ZNF217: variants seen among roughly 807,000 people sequenced by gnomAD.
The protein encoded by ZNF217 is zinc finger protein 217.
In ZNF217, 12 loss-of-function variants were observed where a neutral mutation model predicts 73.3. The ratio of observed to expected loss-of-function variants is 0.16; its 90% confidence interval spans 0.10 to 0.27. The LOEUF (loss-of-function observed/expected upper bound fraction) is 0.27. Ranked by LOEUF, ZNF217 falls within the 10% of genes least tolerant of loss-of-function variation. The probability of loss-of-function intolerance (pLI) is 1.00; values close to 1 mark genes in which losing one functional copy is unlikely to be tolerated. For missense variants in ZNF217, 1,195 were observed against 1,327.8 expected, an observed-to-expected ratio of 0.90 and a Z score of 1.55; for synonymous variants, 588 against 516.4, an observed-to-expected ratio of 1.14 and a Z score of -1.88.
At chr20:53,572,834 G>A (rs995278835) in intron 4 of ZNF217, 2 of 152,200 alleles carry the variant, frequency 1.3e-5, no homozygotes, top group African/African-American at 4.8e-5. Context: ...CTGGGACACT[G>A]AGCTACTTTT....
chr20:53,581,372 C>T lies in ZNF217; in HGVS notation c.1366+89G>A, dbSNP rs1390100905. 2.0e-6 allele frequency: 3 copies of T among 1,495,590 alleles called. No individual in the cohort carries two copies. Among genetic ancestry groups the T allele is most frequent in the African/African-American group, 2.8e-5 (2 of 71,582 alleles). 92.6% of individuals were successfully genotyped at this position (1,495,590 alleles called of 1,614,324 possible). ...CTCTCCAAACCCCATTCCTGGCCAG[C>T]GTTGTCTGGAGATGGGAATAGAGAG... On this transcript the variant is annotated intron_variant, in intron 2 of 5. Transcript: ENST00000371471. This position sits in a 1 kb window ranked among gnomAD's most constrained non-coding sequence, Gnocchi z 4.9.
chr20:53,582,187 G>A lies in ZNF217; in HGVS notation c.640C>T (p.Pro214Ser). 1 of 1,614,070 alleles carries A rather than the reference G, an allele frequency of 6.2e-7. No homozygotes were observed. Among genetic ancestry groups the A allele is most frequent in the Non-Finnish European group, 8.5e-7 (1 of 1,180,048 alleles). Residue 214 changes from proline to serine, a missense_variant, in exon 2 of 6, where the codon CCT (proline) becomes TCT (serine). Transcript: ENST00000371471. The surrounding 1 kb of genome is among the most constrained non-coding windows in gnomAD (Gnocchi z 4.8). ...QVHAAESISS[P>S]YKICMVCGFL... ...CCACAAACCATGCAGATTTTGTAAG[G>A]AGAGGAGATGCTCTCGGCCGCGTGC...
chr20:53,578,531 C>T, intron 2 of ZNF217, 81 bp from the exon 3 acceptor site: 2 of 865,558 alleles, frequency 2.3e-6, no homozygotes, highest in Non-Finnish European at 1.7e-6. Context: ...ATATTCTTGA[C>T]ATAAACATTT....
intron 3 of ZNF217, among the ~76,000 whole-genome samples, chr20:53,578,121 AAAAG>A (rs763828027): frequency 2.0e-5 from 3 of 152,194 alleles, no homozygotes; most frequent in Non-Finnish European, 4.4e-5. Flanking sequence ...CAAAAAACAA[AAAAG>A]AAAGAAAAGA....
intron 1 of ZNF217, among the ~76,000 whole-genome samples, chr20:53,591,864 C>T (rs1418673443): frequency 6.6e-6 from 1 of 152,112 alleles, no homozygotes; most frequent in Non-Finnish European, 1.5e-5. Flanking sequence ...TGTTTGATAT[C>T]AATCAAGAAA....
intron 1 of ZNF217, among the ~76,000 whole-genome samples, chr20:53,584,379 C>T (rs1988615402): frequency 6.6e-6 from 1 of 152,248 alleles, no homozygotes. Context: ...AAGGAAACAT[C>T]TCCTCCTTTA....
chr20:53,591,023 C>T (rs914432095), intron 1 of ZNF217, among the ~76,000 whole-genome samples: 3 of 152,112 alleles, frequency 2.0e-5, no homozygotes, highest in Non-Finnish European at 4.4e-5. Context: ...AAAGTCAAAA[C>T]CTTCACTGCT....
chr20:53,582,196 T>G lies in ZNF217; in HGVS notation c.631A>C (p.Ile211Leu). Residue 211 changes from isoleucine to leucine, a missense_variant, in exon 2 of 6, where the codon ATC (isoleucine) becomes CTC (leucine). Coordinates refer to ENST00000371471, the MANE Select transcript of ZNF217 (RefSeq NM_006526.3). This position sits in a 1 kb window ranked among gnomAD's most constrained non-coding sequence, Gnocchi z 4.8. ...ATGCAGATTTTGTAAGGAGAGGAGA[T>G]GCTCTCGGCCGCGTGCACCTGGACG... ...EVVQVHAAES[I>L]SSPYKICMVC... 1 of 1,614,092 alleles carries G rather than the reference T, an allele frequency of 6.2e-7. No individual in the cohort carries two copies. Among genetic ancestry groups the G allele is most frequent in the Non-Finnish European group, 8.5e-7 (1 of 1,180,028 alleles).
chr20:53,581,861 G>A lies in ZNF217; in HGVS notation c.966C>T (p.Thr322=), dbSNP rs752605894. The change falls in exon 2 of 6, where the codon ACC becomes ACT. Residue 322 remains threonine, a synonymous_variant. Coordinates refer to ENST00000371471, the MANE Select transcript of ZNF217 (RefSeq NM_006526.3). The surrounding 1 kb of genome is among the most constrained non-coding windows in gnomAD (Gnocchi z 4.9). ...EVKESGQEGS[T]DNDDSSSEKE... is the part of the protein sequence containing the mutation. ...TCTCGGAACTCGAATCGTCGTTGTC[G>A]GTGCTCCCTTCTTGCCCCGATTCCT... The A allele has an allele frequency of 6.8e-6, 11 of 1,614,178 alleles. No individual in the cohort carries two copies. Among genetic ancestry groups the A allele is most frequent in the Admixed American group, 1.7e-5 (1 of 60,030 alleles).
upstream of ZNF217, among the ~76,000 whole-genome samples, chr20:53,597,080 TAACAAAAAAAAAAA>T (rs1989052962): frequency 4.6e-5 from 1 of 21,860 alleles, no homozygotes; most frequent in African/African-American, 2.4e-4. Context: ...TCTAGTAACA[TAACAAAAAAAAAAA>T]AAGAAAAAAA....
intron 1 of ZNF217, among the ~76,000 whole-genome samples, chr20:53,591,664 T>C (rs752429488): frequency 6.6e-6 from 1 of 152,212 alleles, no homozygotes; most frequent in Non-Finnish European, 1.5e-5. Flanking sequence ...TTATCTACCA[T>C]TAAGGACACA....
At chr20:53,591,454 C>T (rs1421707803) in intron 1 of ZNF217, among the ~76,000 whole-genome samples, 1 of 152,054 alleles carries the variant, frequency 6.6e-6, no homozygotes, top group Non-Finnish European at 1.5e-5. Flanking sequence ...CCTATTCTAA[C>T]AATTAAAATA....
At chr20:53,589,243 A>ACAC (rs1988800605) in intron 1 of ZNF217, among the ~76,000 whole-genome samples, 2 of 152,240 alleles carry the variant, frequency 1.3e-5, no homozygotes, top group African/African-American at 4.8e-5. Flanking sequence ...CAAGTTTTGT[A>ACAC]AAGCTTAATA....
chr20:53,581,530 C>T lies in ZNF217; in HGVS notation c.1297G>A (p.Ala433Thr). 6.2e-7 allele frequency: 1 copy of T among 1,614,206 alleles called. No individual in the cohort carries two copies. Residue 433 changes from alanine to threonine, a missense_variant, in exon 2 of 6, where the codon GCC becomes ACC. Transcript: ENST00000371471. This position sits in a 1 kb window ranked among gnomAD's most constrained non-coding sequence, Gnocchi z 4.9. ...GAACCACCTTCCCCTCGATCCACGGCTCCATTTTCATCCAGAGGGGCGGCG... is the reference window on the plus strand; with the variant it reads ...GAACCACCTTCCCCTCGATCCACGGTTCCATTTTCATCCAGAGGGGCGGCG... ...DLAAPLDENG[A>T]VDRGEGGSED...
In ZNF217 at chr20:53,576,373, A is replaced by G. The variant is rs759054438; in HGVS notation, c.2391T>C (p.Pro797=). ...LPSAKGKQSP[P]GPGKAPLTSG... is the part of the protein sequence containing the mutation. ...AAGTCAGAGGGGCCTTGCCTGGCCC[A>G]GGAGGGCTCTGCTTCCCCTTCGCAG... The change falls in exon 4 of 6, where the codon CCT becomes CCC. Residue 797 remains proline (P), a synonymous_variant. Transcript: ENST00000371471. The G allele has an allele frequency of 1.9e-6, 3 of 1,614,126 alleles. No individual in the cohort carries two copies. In the African/African-American group the frequency reaches 4.0e-5, roughly 22 times the overall value.
Position 53,575,792 on chromosome 20 carries a change from C to G in ZNF217, c.2972G>C (p.Gly991Ala). 4 of 1,613,432 alleles carry G rather than the reference C, an allele frequency of 2.5e-6. No homozygotes were observed. The highest frequency in any genetic ancestry group is 3.4e-6 in the Non-Finnish European group (4 of 1,179,696). The stretch of plus-strand genomic sequence containing the variant: ...ACAAGTGTAAAGTGGCCCGGAGCCA[C>G]CATAGGGCTTCTGAACAGTCAGCAC... Reference protein sequence around the residue: ...PNVLTVQKPYGGSGPLYTCVP... With the variant: ...PNVLTVQKPYAGSGPLYTCVP... Residue 991 changes from glycine (G) to alanine (A), a missense_variant, in exon 4 of 6, where the codon GGT becomes GCT. Gly to Ala is a moderately conservative substitution (Grantham distance 60, BLOSUM62 0). Coordinates refer to ENST00000371471, the MANE Select transcript of ZNF217 (RefSeq NM_006526.3).
At position 53,582,051 on chromosome 20, in the gene ZNF217, G is replaced by C. The variant is rs768625913; in HGVS notation, c.776C>G (p.Pro259Arg). ...AQTDSPQGGM[P>R]SSREDFLQLF... Reference sequence around the variant, plus strand: ...CTGCAGGAAGTCCTCCCTCGAGGACGGCATTCCTCCTTGTGGAGAGTCTGT... The same window carrying C: ...CTGCAGGAAGTCCTCCCTCGAGGACCGCATTCCTCCTTGTGGAGAGTCTGT... Residue 259 changes from proline (P) to arginine (R), a missense_variant, in exon 2 of 6, where the codon CCG becomes CGG. Around this residue, in one of 9 missense-constraint regions of ZNF217, gnomAD observed 126 missense variants for 114.4 expected, o/e 1.10. Transcript: ENST00000371471. The surrounding 1 kb of genome is among the most constrained non-coding windows in gnomAD (Gnocchi z 4.8). The C allele has an allele frequency of 6.2e-7, 1 of 1,614,222 alleles. No individual in the cohort carries two copies. Among genetic ancestry groups the C allele is most frequent in the Non-Finnish European group, 8.5e-7 (1 of 1,180,042 alleles).
intron 1 of ZNF217, among the ~76,000 whole-genome samples, chr20:53,589,800 C>A (rs1255118449): frequency 6.6e-6 from 1 of 152,138 alleles, no homozygotes; most frequent in Non-Finnish European, 1.5e-5. Flanking sequence ...AAGTGATATT[C>A]AATAATCAGG....
At chr20:53,570,347 A>G (rs963617189) in intron 5 of ZNF217, 2 of 153,098 alleles carry the variant, frequency 1.3e-5, no homozygotes, top group Non-Finnish European at 2.9e-5. Flanking sequence ...ATGAGTCCCG[A>G]TGAAAATATG....
Sources: allele counts gnomAD v4.1 joint callset (sites outside exome capture counted in the v4.1 genomes callset), GRCh38; gene constraint gnomAD v4.1.1; regional missense constraint gnomAD v4.1.1; non-coding constraint Gnocchi (gnomAD v3.1); transcripts MANE v1.5; gene names NCBI Gene and HGNC (gene_info 2026-07-23, HGNC 2026-07-21).